The following GRIK2 variants were observed in gnomAD, a reference collection of about 807,000 sequenced individuals.
GRIK2 encodes glutamate ionotropic receptor kainate type subunit 2.
Under a neutral mutation model 100.3 loss-of-function variants are expected in GRIK2, and 32 were observed. The ratio of observed to expected loss-of-function variants is 0.32; its 90% CI spans 0.24 to 0.43. The LOEUF is 0.43. GRIK2 is among the 20% of genes least tolerant of loss of function. The pLI is 1.00. For missense variants in GRIK2, 843 were observed against 1,114.9 expected, an observed-to-expected ratio of 0.76 and a Z score of 3.47; for synonymous variants, 417 against 389.4, an observed-to-expected ratio of 1.07 and a Z score of -0.83.
At chr6:101,896,471 G>A (rs1054061359) in intron 12 of GRIK2, among the ~76,000 whole-genome samples, 1 of 151,632 alleles carries the variant, frequency 6.6e-6, no homozygotes, top group Non-Finnish European at 1.5e-5. Context: ...ATGCTAGTTG[G>A]CATTTTTTAA....
At chr6:101,856,001 G>C (rs759152963) in intron 10 of GRIK2, among the ~76,000 whole-genome samples, 1 of 152,186 alleles carries the variant, frequency 6.6e-6, no homozygotes, top group African/African-American at 2.4e-5. Context: ...ATTTGAGAAT[G>C]ATTGCCTGGC....
At chr6:101,636,351 G>T (rs757089950) in intron 4 of GRIK2, among the ~76,000 whole-genome samples, 2 of 152,076 alleles carry the variant, frequency 1.3e-5, no homozygotes, top group African/African-American at 2.4e-5. Context: ...GGCCTGTCAG[G>T]GGGTGAGGGA....
At chr6:101,795,395 G>A (rs9498710) in intron 7 of GRIK2, among the ~76,000 whole-genome samples, 12 of 152,286 alleles carry the variant, frequency 7.9e-5, no homozygotes, top group African/African-American at 1.4e-4. Flanking sequence ...GTGCCAGGTA[G>A]TTCAGTCCTG....
intron 14 of GRIK2, among the ~76,000 whole-genome samples, chr6:101,931,548 G>C (rs1162627519): frequency 4.6e-5 from 7 of 152,118 alleles, no homozygotes; most frequent in Non-Finnish European, 1.0e-4. Flanking sequence ...AGACATAGCA[G>C]AGTTACATAG....
chr6:101,782,010 C>A (rs1045704880), intron 7 of GRIK2, among the ~76,000 whole-genome samples: 1 of 151,998 alleles, frequency 6.6e-6, no homozygotes, highest in African/African-American at 2.4e-5. Context: ...TCTCTGGAGT[C>A]CCCTTTATTT....
Position 102,039,217 on chromosome 6 carries a change from G to T in GRIK2, c.2311+3651G>T, listed in dbSNP as rs190452074. ...ACTCAGAATAAGCTATTTAATTAAG[G>T]AACCTCTGTTTACACAAAAATAGCT... On this transcript the variant is annotated intron_variant, in intron 15 of 16. Transcript: ENST00000369134. 2.5e-3 allele frequency among the ~76,000 whole-genome samples: 383 copies of T among 151,478 alleles called. 2 individuals are homozygous for T. The highest frequency in any genetic ancestry group is 0.014 in the Middle Eastern group (4 of 292).
chr6:101,987,438 T>C (rs1487886436), intron 14 of GRIK2, among the ~76,000 whole-genome samples: 1 of 151,724 alleles, frequency 6.6e-6, no homozygotes, highest in Non-Finnish European at 1.5e-5. Flanking sequence ...AATGCAGTTA[T>C]ATCTTTGATC....
At chr6:101,837,792 G>A (rs1239573470) in intron 10 of GRIK2, among the ~76,000 whole-genome samples, 1 of 152,080 alleles carries the variant, frequency 6.6e-6, no homozygotes, top group East Asian at 1.9e-4. Flanking sequence ...CTCTGAACAC[G>A]GACTTTTGTT....
intron 2 of GRIK2, among the ~76,000 whole-genome samples, chr6:101,545,417 T>A (rs547107885): frequency 6.6e-6 from 1 of 152,322 alleles, no homozygotes; most frequent in South Asian, 2.1e-4. Flanking sequence ...TAGCTTATTT[T>A]AAGAGAAAAT....
rs534209765 is a variant in GRIK2, at chr6:101,900,659, G to C, written c.1748+10796G>C. Among the ~76,000 whole-genome samples, 5 of 152,086 alleles carry C rather than the reference G, an allele frequency of 3.3e-5. 1 individual carries two copies. Among genetic ancestry groups the C allele is most frequent in the African/African-American group, 1.2e-4 (5 of 41,508 alleles). On this transcript the variant is annotated intron_variant, in intron 12 of 16. Transcript: ENST00000369134. Reference sequence around the variant, plus strand: ...AGACATTTCCAATTTATTTAGTGGGGATGTAGAAAACCCACAAGTCATTCA... The same window carrying C: ...AGACATTTCCAATTTATTTAGTGGGCATGTAGAAAACCCACAAGTCATTCA...
Position 101,608,000 on chromosome 6 carries a change from C to T in GRIK2, c.116-13949C>T, listed in dbSNP as rs113521371. Among the ~76,000 whole-genome samples, 281 of 150,684 alleles carry T rather than the reference C, an allele frequency of 1.9e-3. 2 individuals are homozygous for T. Among genetic ancestry groups the T allele is most frequent in the African/African-American group, 6.5e-3 (268 of 41,034 alleles). On this transcript the variant is annotated intron_variant, in intron 2 of 16. Coordinates refer to ENST00000369134, the MANE Select transcript of GRIK2 (RefSeq NM_021956.5). ...GTCTTTGCCAGTACCAGCTTGGCTG[C>T]AAGCAGAGGACATTTTAAAAGATTA...
Position 101,799,811 on chromosome 6 carries a change from T to G in GRIK2, c.1095+20T>G. 6.3e-7 allele frequency: 1 copy of G among 1,594,182 alleles called. No individual in the cohort carries two copies. On this transcript the variant is annotated intron_variant, in intron 8 of 16. Coordinates refer to ENST00000369134, the MANE Select transcript of GRIK2 (RefSeq NM_021956.5). ...AAAGAGGTAAGTTAGGAGAAGAACA[T>G]CTGCCTTGTCTCTTTTGTTGTCAAG... is the stretch of plus-strand genomic sequence containing the variant.
Position 101,507,459 on chromosome 6 carries a change from G to C in GRIK2, c.115+108067G>C, listed in dbSNP as rs190170037. 8.2e-3 allele frequency among the ~76,000 whole-genome samples: 1,244 copies of C among 151,920 alleles called. 23 individuals are homozygous for C. The highest frequency in any genetic ancestry group is 0.029 in the African/African-American group (1,189 of 41,440). On this transcript the variant is annotated intron_variant, in intron 2 of 16. Coordinates refer to ENST00000369134, the MANE Select transcript of GRIK2 (RefSeq NM_021956.5). ...ATTTTTCTACAGGGATTCAGGCTAC[G>C]TTTCTTTTGAAATGTCAATGATTGA...
chr6:101,727,528 C>T (rs1224155061), intron 7 of GRIK2, among the ~76,000 whole-genome samples: 4 of 152,104 alleles, frequency 2.6e-5, no homozygotes, highest in Admixed American at 1.3e-4. Context: ...TGGCATTGCT[C>T]ACCAGACAAG....
chr6:101,628,712 C>A (rs1780572217), intron 4 of GRIK2, among the ~76,000 whole-genome samples: 1 of 152,052 alleles, frequency 6.6e-6, no homozygotes, highest in Admixed American at 6.6e-5. Context: ...TCCATTCCTT[C>A]CTGATGTAAT....
intron 4 of GRIK2, among the ~76,000 whole-genome samples, chr6:101,643,078 T>G (rs982217843): frequency 5.3e-5 from 8 of 151,788 alleles, no homozygotes; most frequent in African/African-American, 1.9e-4. Context: ...GCTGTTTGAT[T>G]CATTGGTTGT....
chr6:101,996,389 T>C (rs1582688374), intron 14 of GRIK2, among the ~76,000 whole-genome samples: 1 of 152,186 alleles, frequency 6.6e-6, no homozygotes. Flanking sequence ...ACTTTAATTA[T>C]GCTTCTTTCT....
chr6:101,871,434 C>T (rs547792395), intron 11 of GRIK2, among the ~76,000 whole-genome samples: 2 of 151,818 alleles, frequency 1.3e-5, no homozygotes, highest in South Asian at 4.2e-4. Flanking sequence ...TATTAGATGG[C>T]TATGTTGTGT....
At chr6:101,789,072 A>G (rs1481338689) in intron 7 of GRIK2, among the ~76,000 whole-genome samples, 2 of 151,744 alleles carry the variant, frequency 1.3e-5, no homozygotes, top group Non-Finnish European at 1.5e-5. Flanking sequence ...TTTCTTGTCA[A>G]TTTGTTTGAG....
Sources: gnomAD v4.1 joint callset for allele counts (sites outside exome capture counted in the v4.1 genomes callset) on GRCh38, gnomAD v4.1.1 for gene constraint, MANE v1.5 for transcripts, NCBI Gene and HGNC (gene_info 2026-07-23, HGNC 2026-07-21) for gene names.